FARP2: variants seen among roughly 807,000 people sequenced by gnomAD.
FARP2 encodes the protein FERM, ARHGEF and pleckstrin domain-containing protein 2.
Under a neutral mutation model 130.5 loss-of-function variants are expected in FARP2, and 111 were observed. That is an observed-to-expected ratio of 0.85 (90% CI 0.73 to 1.00). The LOEUF (loss-of-function observed/expected upper bound fraction) is 1.00. Ranked by LOEUF, FARP2 falls within the 50% of genes least tolerant of loss-of-function variation. FARP2 has a pLI of 0.00. For missense variants in FARP2, 1,385 were observed against 1,346.3 expected, an observed-to-expected ratio of 1.03 and a Z score of -0.45; for synonymous variants, 504 against 516.9, an observed-to-expected ratio of 0.98 and a Z score of 0.34.
At position 241,398,571 on chromosome 2, in the gene FARP2, T is replaced by TC. The variant is rs905897982; in HGVS notation, c.184-5256dup. 3.3e-5 allele frequency among the ~76,000 whole-genome samples: 5 copies of TC among 150,192 alleles called. No homozygotes were observed. The Admixed American group carries it at 3.5e-4, about 11-fold the overall frequency. On this transcript the variant is annotated intron_variant, in intron 2 of 26. Coordinates refer to ENST00000264042, the MANE Select transcript of FARP2 (RefSeq NM_014808.4). ...CTATGAGTAAAGCTTCTGTGAACAT[T>TC]CTTTTTTTTTTTTTTTGAGACAGAG...
At chr2:241,412,760 C>T (rs6745021) in intron 6 of FARP2, among the ~76,000 whole-genome samples, 2,483 of 152,304 alleles carry the variant, frequency 0.016, 45 homozygotes, top group African/African-American at 0.043. Context: ...GGTGCAGTAG[C>T]TCATGCCTAT....
At chr2:241,438,328 G>A (rs1379629886) in intron 12 of FARP2, among the ~76,000 whole-genome samples, 1 of 152,074 alleles carries the variant, frequency 6.6e-6, no homozygotes, top group East Asian at 1.9e-4. Context: ...GCTAAGGCTG[G>A]AGGATTGCTT....
intron 3 of FARP2, among the ~76,000 whole-genome samples, chr2:241,404,430 G>A (rs866337067): frequency 2.0e-5 from 3 of 152,170 alleles, no homozygotes; most frequent in Non-Finnish European, 4.4e-5. Context: ...GTGACATGAC[G>A]TACCTCTTTT....
intron 8 of FARP2, among the ~76,000 whole-genome samples, chr2:241,421,226 C>T (rs1031671062): frequency 1.3e-5 from 2 of 152,330 alleles, no homozygotes; most frequent in Admixed American, 6.5e-5. Flanking sequence ...GTCCAATACA[C>T]AGAGTTGTGT....
intron 12 of FARP2, among the ~76,000 whole-genome samples, chr2:241,437,892 C>G (rs766807636): frequency 2.0e-5 from 3 of 152,032 alleles, no homozygotes; most frequent in Non-Finnish European, 4.4e-5. Context: ...GTCTTGATCT[C>G]CTGACCTCAT....
In FARP2 at chr2:241,420,244, C is replaced by G. The variant is rs141191718; in HGVS notation, c.771+2135C>G. 6.7e-3 allele frequency among the ~76,000 whole-genome samples: 1,018 copies of G among 152,290 alleles called. 7 individuals carry two copies. The highest frequency in any genetic ancestry group is 0.037 in the Middle Eastern group (11 of 294). The stretch of plus-strand genomic sequence containing the variant: ...CAACTGTACAAACAAGGAAGCAGCT[C>G]TTTATGTCCCAATAATGAGACATCC... On this transcript the variant is annotated intron_variant, in intron 8 of 26. Transcript: ENST00000264042.
chr2:241,455,916 T>C (rs1328652730), intron 13 of FARP2, among the ~76,000 whole-genome samples: 8 of 152,004 alleles, frequency 5.3e-5, no homozygotes, highest in Admixed American at 5.2e-4. Flanking sequence ...ATTTTTTGTA[T>C]TTTTAGTAGA....
chr2:241,387,405 G>A (rs1466738413), intron 2 of FARP2: 1 of 152,162 alleles, frequency 6.6e-6, no homozygotes, highest in Admixed American at 6.5e-5. Context: ...ACTAATAAAC[G>A]ATTTCAGGAA....
At chr2:241,415,343 C>T (rs1012540572) in intron 7 of FARP2, among the ~76,000 whole-genome samples, 1 of 152,180 alleles carries the variant, frequency 6.6e-6, no homozygotes, top group East Asian at 1.9e-4. Context: ...CAAGGGCCCT[C>T]TGCTAGTGTT....
At chr2:241,384,406 G>T (rs188204080) in intron 2 of FARP2, among the ~76,000 whole-genome samples, 1 of 152,246 alleles carries the variant, frequency 6.6e-6, no homozygotes. Context: ...AAGTCAGAAA[G>T]ATATTCTTTC....
rs10692211 is a variant in FARP2 at position 241,378,416 on chromosome 2, A to ATTTTTTTTTTTTT, written c.183+5127_183+5139dup. 1.2e-3 allele frequency among the ~76,000 whole-genome samples: 128 copies of ATTTTTTTTTTTTT among 107,626 alleles called. 7 individuals are homozygous for ATTTTTTTTTTTTT. The highest frequency in any genetic ancestry group is 1.5e-3 in the African/African-American group (41 of 27,738). The allele number at this position is 107,626 out of a possible 152,430, so 70.6% of individuals were successfully genotyped here. ...AGGTGCCAGCCACCATGCCTGGCCT[A>ATTTTTTTTTTTTT]TTTTTTTTTTTTTGAGTCAGGATCT... On this transcript the variant is annotated intron_variant, in intron 2 of 26. Transcript: ENST00000264042.
At chr2:241,410,857 G>A (rs1284582209) in intron 5 of FARP2, 176 bp from the exon 6 acceptor site, 2 of 575,054 alleles carry the variant, frequency 3.5e-6, no homozygotes, top group African/African-American at 3.8e-5. Flanking sequence ...GTGACTGTTT[G>A]TTTCATGAAA....
intron 1 of FARP2, among the ~76,000 whole-genome samples, chr2:241,361,107 C>T (rs115476110): frequency 1.6e-4 from 25 of 152,036 alleles, no homozygotes; most frequent in East Asian, 3.9e-4. Flanking sequence ...CTGATCTATT[C>T]GCTTATATTT....
intron 4 of FARP2, among the ~76,000 whole-genome samples, chr2:241,405,066 C>G (rs2062297450): frequency 6.6e-6 from 1 of 152,182 alleles, no homozygotes; most frequent in African/African-American, 2.4e-5. Context: ...AGAGCATATG[C>G]TGTTTGATAT....
intron 2 of FARP2, among the ~76,000 whole-genome samples, chr2:241,374,629 G>A (rs2061493483): frequency 6.6e-6 from 1 of 152,214 alleles, no homozygotes; most frequent in South Asian, 2.1e-4. Flanking sequence ...GGGCAGTGAA[G>A]CTCTGAGCAA....
rs1223759222 is a variant in FARP2, at chr2:241,459,473, T to C, written c.1587+2551T>C. Reference sequence around the variant, plus strand: ...CACCCTCCAGCCCACCCTCGCCAGCTGGTGCCCTCCTCCCCAGTGTCTCCC... The same window carrying C: ...CACCCTCCAGCCCACCCTCGCCAGCCGGTGCCCTCCTCCCCAGTGTCTCCC... On this transcript the variant is annotated intron_variant, in intron 14 of 26. Coordinates refer to ENST00000264042, the MANE Select transcript of FARP2 (RefSeq NM_014808.4). This position sits in a 1 kb window ranked among gnomAD's most constrained non-coding sequence, Gnocchi z 5.3. Among the ~76,000 whole-genome samples the C allele has an allele frequency of 6.6e-6, 1 of 152,078 alleles. No individual in the cohort carries two copies. The highest frequency in any genetic ancestry group is 1.5e-5 in the Non-Finnish European group (1 of 67,992).
intron 9 of FARP2, chr2:241,432,072 G>A (rs2063106823): frequency 6.3e-6 from 1 of 157,764 alleles, no homozygotes; most frequent in Admixed American, 6.5e-5. Context: ...CACCCGCCTT[G>A]GCCTCCCAAA....
chr2:241,444,941 G>A (rs988380990), intron 13 of FARP2: 3 of 151,992 alleles, frequency 2.0e-5, no homozygotes, highest in Non-Finnish European at 4.4e-5. Context: ...TATTATTACT[G>A]TTTTAGAGAC....
At position 241,441,299 on chromosome 2, in the gene FARP2, C is replaced by A. The variant is rs372649610; in HGVS notation, c.1159-5C>A. The stretch of plus-strand genomic sequence containing the variant: ...TTTTTTTCTTTTCTTAACTTTGGTT[C>A]CCAGAGCATCTCATTCCCCGAGGGA... On this transcript the variant is annotated splice_region_variant and splice_polypyrimidine_tract_variant and intron_variant, in intron 12 of 26. Coordinates refer to ENST00000264042, the MANE Select transcript of FARP2 (RefSeq NM_014808.4). 1.9e-6 allele frequency: 3 copies of A among 1,566,712 alleles called. No individual in the cohort carries two copies. The highest frequency in any genetic ancestry group is 1.7e-6 in the Non-Finnish European group (2 of 1,156,000).
Sources: allele counts gnomAD v4.1 joint callset (sites outside exome capture counted in the v4.1 genomes callset), GRCh38; gene constraint gnomAD v4.1.1; non-coding constraint Gnocchi (gnomAD v3.1); transcripts MANE v1.5; gene names NCBI Gene and HGNC (gene_info 2026-07-23, HGNC 2026-07-21).